Variants in NAALADL2 observed in about 807,000 individuals in gnomAD.
The protein encoded by NAALADL2 is N-acetylated alpha-linked acidic dipeptidase like 2.
NAALADL2 carries 76 observed loss-of-function variants against 87.2 expected under a neutral mutation model. The observed-to-expected ratio is 0.87, with a 90% CI of 0.72 to 1.05. The LOEUF is 1.05. NAALADL2 is among the 50% of genes least tolerant of loss of function. The pLI is 0.00. For missense variants in NAALADL2, 1,089 were observed against 945.8 expected, an observed-to-expected ratio of 1.15 and a Z score of -1.99; for synonymous variants, 354 against 331.0, an observed-to-expected ratio of 1.07 and a Z score of -0.75.
intron 5 of NAALADL2, among the ~76,000 whole-genome samples, chr3:175,426,916 T>C (rs1716875694): frequency 6.6e-6 from 1 of 152,174 alleles, no homozygotes; most frequent in African/African-American, 2.4e-5. Context: ...CTTCACTTTG[T>C]GATGACCGGA....
chr3:175,174,783 GTGTGTA>G (rs1329563783), intron 2 of NAALADL2, among the ~76,000 whole-genome samples: 3 of 132,914 alleles, frequency 2.3e-5, no homozygotes, highest in Non-Finnish European at 5.1e-5. Flanking sequence ...GTGTGTGTGT[GTGTGTA>G]TATATATGTG....
chr3:174,897,160 A>G (rs776509501), intron 1 of NAALADL2, among the ~76,000 whole-genome samples: 1 of 152,192 alleles, frequency 6.6e-6, no homozygotes, highest in Non-Finnish European at 1.5e-5. Flanking sequence ...GCAAACATGG[A>G]CAAATTGAAT....
intron 13 of NAALADL2, among the ~76,000 whole-genome samples, chr3:175,796,371 C>T (rs977596576): frequency 1.3e-5 from 2 of 152,140 alleles, no homozygotes; most frequent in African/African-American, 4.8e-5. Context: ...AGCCATTTCC[C>T]TCAACAATCT....
intron 1 of NAALADL2, among the ~76,000 whole-genome samples, chr3:175,087,202 G>T (rs892661177): frequency 1.7e-4 from 26 of 152,336 alleles, no homozygotes; most frequent in African/African-American, 4.6e-4. Flanking sequence ...TTATTGAAAA[G>T]TTGAAAAGTA....
chr3:175,124,835 G>C (rs1726696198), intron 2 of NAALADL2, among the ~76,000 whole-genome samples: 2 of 151,994 alleles, frequency 1.3e-5, no homozygotes, highest in South Asian at 4.1e-4. Context: ...GAAACTTTAT[G>C]AGATAATGTC....
intron 5 of NAALADL2, among the ~76,000 whole-genome samples, chr3:175,333,356 A>G (rs1304733964): frequency 6.6e-6 from 1 of 152,188 alleles, no homozygotes; most frequent in African/African-American, 2.4e-5. Flanking sequence ...TTTTAGTAAT[A>G]GTAGCTGTAG....
intron 11 of NAALADL2, among the ~76,000 whole-genome samples, chr3:175,641,281 A>C (rs1263257021): frequency 6.6e-6 from 1 of 152,024 alleles, no homozygotes; most frequent in Non-Finnish European, 1.5e-5. Context: ...TTCTCATTCA[A>C]CTTTTTCTTC....
At chr3:175,423,544 A>G (rs149036734) in intron 5 of NAALADL2, among the ~76,000 whole-genome samples, 1 of 151,056 alleles carries the variant, frequency 6.6e-6, no homozygotes, top group East Asian at 2.0e-4. Context: ...GCGATAGTTT[A>G]CTGAGAATGA....
chr3:175,495,464 T>C (rs1163980704), intron 9 of NAALADL2, among the ~76,000 whole-genome samples: 1 of 152,108 alleles, frequency 6.6e-6, no homozygotes, highest in East Asian at 1.9e-4. Flanking sequence ...ATGTTTAGAC[T>C]TTCAACTTAC....
intron 1 of NAALADL2, among the ~76,000 whole-genome samples, chr3:174,886,987 T>A (rs1579365136): frequency 6.6e-6 from 1 of 152,216 alleles, no homozygotes; most frequent in African/African-American, 2.4e-5. Flanking sequence ...CGTGGGTACA[T>A]TTTTCAGCTG....
At chr3:175,380,638 C>T (rs1360711406) in intron 5 of NAALADL2, among the ~76,000 whole-genome samples, 2 of 152,020 alleles carry the variant, frequency 1.3e-5, no homozygotes, top group East Asian at 3.9e-4. Context: ...TTTTAGAAAA[C>T]AATCCCTTTT....
intron 11 of NAALADL2, among the ~76,000 whole-genome samples, chr3:175,730,441 TATAC>T (rs1320269908): frequency 0.013 from 791 of 63,010 alleles, 24 homozygotes; most frequent in Non-Finnish European, 0.018. Context: ...TATATATATA[TATAC>T]ACACATACAC....
intron 2 of NAALADL2, among the ~76,000 whole-genome samples, chr3:174,698,385 G>A (rs190010040): frequency 6.6e-6 from 1 of 152,116 alleles, no homozygotes; most frequent in East Asian, 1.9e-4. Context: ...TAGGTAGAGA[G>A]ACATTTCCTC....
chr3:175,478,564 G>C (rs1726035361), intron 9 of NAALADL2, among the ~76,000 whole-genome samples: 1 of 151,850 alleles, frequency 6.6e-6, no homozygotes. Context: ...TATATATTAG[G>C]ACTATGTAAC....
At chr3:174,607,953 T>G (rs1394706914) in intron 2 of NAALADL2, among the ~76,000 whole-genome samples, 5 of 151,444 alleles carry the variant, frequency 3.3e-5, no homozygotes, top group African/African-American at 1.2e-4. Flanking sequence ...GAACAGAAAT[T>G]ATAACAAACT....
chr3:175,150,777 G>T (rs915227395), intron 2 of NAALADL2, among the ~76,000 whole-genome samples: 11 of 152,184 alleles, frequency 7.2e-5, no homozygotes, highest in African/African-American at 2.2e-4. Context: ...TACATTCTTT[G>T]TTTCATCAAA....
chr3:175,324,349 T>G (rs1560362427), intron 5 of NAALADL2, 24 bp downstream of exon 5: 2 of 1,597,650 alleles, frequency 1.3e-6, no homozygotes, highest in East Asian at 4.5e-5. Flanking sequence ...TCATCATTAT[T>G]ATACTTGTAA....
intron 13 of NAALADL2, among the ~76,000 whole-genome samples, chr3:175,759,967 A>C (rs1052273317): frequency 2.6e-5 from 4 of 152,148 alleles, no homozygotes; most frequent in African/African-American, 9.7e-5. Context: ...GGATTTATCT[A>C]GTGCTCCTGA....
chr3:174,988,169 C>T (rs1746233452), intron 1 of NAALADL2, among the ~76,000 whole-genome samples: 3 of 152,062 alleles, frequency 2.0e-5, no homozygotes, highest in African/African-American at 7.2e-5. Context: ...AATCAAAGAA[C>T]TCTGAGCTAG....
Sources: allele counts gnomAD v4.1 joint callset (sites outside exome capture counted in the v4.1 genomes callset), GRCh38; gene constraint gnomAD v4.1.1; transcripts MANE v1.5; gene names NCBI Gene and HGNC (gene_info 2026-07-23, HGNC 2026-07-21).